The following TVP23C variants were observed in gnomAD, a reference collection of about 807,000 sequenced individuals.
The protein encoded by TVP23C is trans-golgi network vesicle protein 23 homolog C.
A neutral mutation model predicts 28.7 loss-of-function variants in TVP23C; 19 were observed. That is an observed-to-expected ratio of 0.66 (90% confidence interval 0.46 to 0.97). The LOEUF (loss-of-function observed/expected upper bound fraction) is 0.97, where lower values mean the gene tolerates loss of function less well. TVP23C is among the 50% of genes least tolerant of loss of function. The pLI, the probability that TVP23C is intolerant of heterozygous loss-of-function variation, is 0.00. For synonymous variants in TVP23C, 68 were observed against 81.7 expected (o/e 0.83, Z 0.90); for missense variants, 186 against 241.3 (o/e 0.77, Z 1.52).
intron 3 of TVP23C, among the ~76,000 whole-genome samples, chr17:15,550,517 A>G (rs575495067): frequency 6.6e-6 from 1 of 152,328 alleles, no homozygotes; most frequent in African/African-American, 2.4e-5. Context: ...GTTGCCAATT[A>G]TTTCATTCAG....
At chr17:15,563,393 G>C (rs753705580) in intron 1 of TVP23C, 44 bp downstream of exon 1, 11 of 1,575,834 alleles carry the variant, frequency 7.0e-6, no homozygotes, top group Admixed American at 1.8e-5. Context: ...TGCAGAGCCA[G>C]TCCCAGGAGC....
chr17:15,550,236 T>A (rs901811669), intron 3 of TVP23C, among the ~76,000 whole-genome samples: 6 of 152,242 alleles, frequency 3.9e-5, no homozygotes, highest in African/African-American at 1.4e-4. Flanking sequence ...ACCATTAAGG[T>A]ATAAATAACT....
intron 3 of TVP23C, among the ~76,000 whole-genome samples, chr17:15,549,783 T>A (rs1983808925): frequency 6.6e-6 from 1 of 151,936 alleles, no homozygotes; most frequent in Non-Finnish European, 1.5e-5. Context: ...TGAATGGAGA[T>A]ACAGATCTGG....
At position 15,547,039 on chromosome 17, in the gene TVP23C, A is replaced by G; in HGVS notation, c.330+20T>C. The G allele has an allele frequency of 3.2e-6, 5 of 1,550,890 alleles. No individual in the cohort carries two copies. Among genetic ancestry groups the G allele is most frequent in the Non-Finnish European group, 4.3e-6 (5 of 1,153,620 alleles). On this transcript the variant is annotated intron_variant, in intron 4 of 5. Transcript: ENST00000518321. ...ATAATTTAGCTGATAACATTATTTA[A>G]AACAAAAAAGGCACTTTACCTTTCT...
At chr17:15,559,313 TAAAAA>T (rs56346847) in intron 1 of TVP23C, among the ~76,000 whole-genome samples, 43 of 105,176 alleles carry the variant, frequency 4.1e-4, no homozygotes, top group African/African-American at 1.1e-3. Context: ...GGTACAGATT[TAAAAA>T]AAAAAAAAAA....
At chr17:15,561,074 G>A (rs1466002742) in intron 1 of TVP23C, among the ~76,000 whole-genome samples, 2 of 152,146 alleles carry the variant, frequency 1.3e-5, no homozygotes, top group Non-Finnish European at 2.9e-5. Context: ...GAGACCCTGA[G>A]TAAACATGCA....
At chr17:15,556,229 T>G (rs1251609762) in intron 1 of TVP23C, among the ~76,000 whole-genome samples, 3 of 152,082 alleles carry the variant, frequency 2.0e-5, no homozygotes, top group African/African-American at 7.2e-5. Context: ...TATTGAATCT[T>G]TCTAATCAGC....
intron 5 of TVP23C, among the ~76,000 whole-genome samples, chr17:15,519,383 G>A (rs1982370503): frequency 6.6e-6 from 1 of 151,896 alleles, no homozygotes; most frequent in Non-Finnish European, 1.5e-5. Flanking sequence ...GAGGCAGGAG[G>A]ATCATTTGAG....
chr17:15,539,763 A>G lies in TVP23C; in HGVS notation c.*649T>C. 2.0e-6 allele frequency: 2 copies of G among 985,154 alleles called. No individual in the cohort carries two copies. The highest frequency in any genetic ancestry group is 1.7e-5 in the African/African-American group (1 of 57,312). 61.0% of individuals were successfully genotyped at this position (985,154 alleles called of 1,614,324 possible). On this transcript the variant is annotated 3_prime_UTR_variant, in exon 6 of 6. Transcript: ENST00000518321. The stretch of plus-strand genomic sequence containing the variant: ...AAAAAAACATCTGAGTACAAATGTT[A>G]TGGTCTTCTTGTGATTCAACTGTTC...
intron 5 of TVP23C, chr17:15,516,700 T>C (rs1365409883): frequency 6.6e-6 from 1 of 152,148 alleles, no homozygotes; most frequent in Non-Finnish European, 1.5e-5. Context: ...ACATATGAAT[T>C]TGGGGGTGGG....
intron 1 of TVP23C, among the ~76,000 whole-genome samples, chr17:15,559,639 T>C (rs1401802099): frequency 6.7e-6 from 1 of 148,820 alleles, no homozygotes; most frequent in East Asian, 2.0e-4. Context: ...GTTAGGAAAC[T>C]ACTTTAATCA....
Position 15,545,725 on chromosome 17 carries a change from T to C in TVP23C, c.462+60A>G, listed in dbSNP as rs1983614874. On this transcript the variant is annotated intron_variant, in intron 5 of 5. Coordinates refer to ENST00000518321, the MANE Select transcript of TVP23C (RefSeq NM_001135036.2). ...TAAGGACTCAGTTGCAGTTGTTGCT[T>C]CCTATGATTACCATCAGACATCTTA... The C allele has an allele frequency of 5.8e-6, 9 of 1,559,290 alleles. No homozygotes were observed. The Middle Eastern group carries it at 8.6e-4, about 150-fold the overall frequency.
rs1983206128 is a variant in TVP23C, at chr17:15,537,550, T to G, written c.*2862A>C. The G allele has an allele frequency of 2.0e-6, 2 of 983,182 alleles. No homozygotes were observed. The highest frequency in any genetic ancestry group is 1.2e-6 in the Non-Finnish European group (1 of 827,982). The allele number at this position is 983,182 out of a possible 1,614,324, so 60.9% of individuals were successfully genotyped here. On this transcript the variant is annotated 3_prime_UTR_variant, in exon 6 of 6. Coordinates refer to ENST00000518321, the MANE Select transcript of TVP23C (RefSeq NM_001135036.2). ...TCTTACAAACAAAAATAAAATTTTA[T>G]AAAGTAGTTAATACCACTGGCCCTA...
In TVP23C at chr17:15,538,216, T is replaced by C; in HGVS notation, c.*2196A>G. ...TTATTTCACTTCACACACCATGGAC[T>C]TGGGGCCTAGGCCTAGGAAAACATT... On this transcript the variant is annotated 3_prime_UTR_variant, in exon 6 of 6. Coordinates refer to ENST00000518321, the MANE Select transcript of TVP23C (RefSeq NM_001135036.2). The C allele has an allele frequency of 2.5e-6, 4 of 1,612,634 alleles. No individual in the cohort carries two copies. Among genetic ancestry groups the C allele is most frequent in the Non-Finnish European group, 3.4e-6 (4 of 1,179,484 alleles).
intron 5 of TVP23C, among the ~76,000 whole-genome samples, chr17:15,515,132 G>C (rs1190704945): frequency 1.3e-5 from 2 of 152,086 alleles, no homozygotes; most frequent in Non-Finnish European, 2.9e-5. Flanking sequence ...CTGAGTCGAT[G>C]ACTGACAGAT....
intron 5 of TVP23C, among the ~76,000 whole-genome samples, chr17:15,518,691 A>G (rs1218164938): frequency 1.3e-5 from 2 of 151,814 alleles, no homozygotes; most frequent in Admixed American, 1.3e-4. Context: ...GACTGGGCTC[A>G]GTAGAGAAGA....
downstream of TVP23C, among the ~76,000 whole-genome samples, chr17:15,533,877 T>C (rs994659874): frequency 3.3e-5 from 5 of 152,202 alleles, no homozygotes; most frequent in African/African-American, 1.2e-4. Flanking sequence ...AGTGATCTAA[T>C]GGGTAATGGA....
chr17:15,526,802 T>G lies in TVP23C; in HGVS notation c.462+18983A>C, dbSNP rs559371406. 2.6e-5 allele frequency among the ~76,000 whole-genome samples: 4 copies of G among 152,264 alleles called. No homozygotes were observed. The South Asian group carries it at 8.3e-4, about 32-fold the overall frequency. On this transcript the variant is annotated intron_variant, in intron 5 of 5. Transcript: ENST00000225576. ...TCCTAGAAGAAATGTTTAAAAAACATTAAGACTCATTCGTAGCTGTGTTGG... is the reference window on the plus strand; with the variant it reads ...TCCTAGAAGAAATGTTTAAAAAACAGTAAGACTCATTCGTAGCTGTGTTGG...
chr17:15,533,215 C>G (rs1044441808), downstream of TVP23C, among the ~76,000 whole-genome samples: 1 of 152,172 alleles, frequency 6.6e-6, no homozygotes, highest in Non-Finnish European at 1.5e-5. Context: ...TAATATCTAA[C>G]TGTAATGTAA....
Sources: gnomAD v4.1 joint callset for allele counts (sites outside exome capture counted in the v4.1 genomes callset) on GRCh38, gnomAD v4.1.1 for gene constraint, MANE v1.5 for transcripts, NCBI Gene and HGNC (gene_info 2026-07-23, HGNC 2026-07-21) for gene names.